Variants in LDLRAD4 observed in about 807,000 individuals in gnomAD.
The protein encoded by LDLRAD4 is low-density lipoprotein receptor class A domain-containing protein 4.
Under a neutral mutation model 17.0 loss-of-function variants are expected in LDLRAD4, and 5 were observed. The observed-to-expected ratio is 0.29, with a 90% CI of 0.15 to 0.62. The LOEUF is 0.62. Ranked by LOEUF, LDLRAD4 falls within the 20% of genes least tolerant of loss-of-function variation. The probability of loss-of-function intolerance (pLI) is 0.84; values close to 1 mark genes in which losing one functional copy is unlikely to be tolerated. For missense variants in LDLRAD4, 340 were observed against 424.7 expected, an observed-to-expected ratio of 0.80 and a Z score of 1.75; for synonymous variants, 168 against 171.8, an observed-to-expected ratio of 0.98 and a Z score of 0.17.
At chr18:13,596,549 A>C (rs961385771) in intron 3 of LDLRAD4, among the ~76,000 whole-genome samples, 8 of 152,326 alleles carry the variant, frequency 5.3e-5, no homozygotes, top group African/African-American at 1.9e-4. Flanking sequence ...AGATATATAC[A>C]TAATTTTACT....
chr18:13,223,882 C>T (rs1200880780), intron 1 of LDLRAD4, among the ~76,000 whole-genome samples: 3 of 152,190 alleles, frequency 2.0e-5, no homozygotes, highest in Non-Finnish European at 2.9e-5. Context: ...GGTGGAGCAG[C>T]CTGGGCAGTA....
intron 2 of LDLRAD4, among the ~76,000 whole-genome samples, chr18:13,393,545 G>A (rs754694228): frequency 6.6e-6 from 1 of 152,180 alleles, no homozygotes; most frequent in South Asian, 2.1e-4. Flanking sequence ...GGTCCCCGGC[G>A]GGCTGCTTCT....
At chr18:13,308,743 T>C (rs776163413) in intron 1 of LDLRAD4, among the ~76,000 whole-genome samples, 5 of 152,270 alleles carry the variant, frequency 3.3e-5, no homozygotes, top group Admixed American at 6.5e-5. Flanking sequence ...GTGCTTTATG[T>C]ATTAGGGAAG....
intron 1 of LDLRAD4, among the ~76,000 whole-genome samples, chr18:13,374,900 G>A (rs770039078): frequency 6.6e-6 from 1 of 152,168 alleles, no homozygotes; most frequent in African/African-American, 2.4e-5. Flanking sequence ...CCCTGGACCT[G>A]TGTGTAGGTG....
At chr18:13,637,851 G>A (rs2042211736) in intron 4 of LDLRAD4, among the ~76,000 whole-genome samples, 1 of 146,140 alleles carries the variant, frequency 6.8e-6, no homozygotes, top group Admixed American at 6.9e-5. Flanking sequence ...GGGCAACAGA[G>A]CAAGACTCCG....
At chr18:13,554,639 G>A (rs958567350) in intron 3 of LDLRAD4, among the ~76,000 whole-genome samples, 2 of 152,050 alleles carry the variant, frequency 1.3e-5, no homozygotes, top group Admixed American at 6.5e-5. Flanking sequence ...ATAACCTATT[G>A]CCCTTTAATA....
chr18:13,390,278 G>A lies in LDLRAD4; in HGVS notation c.40+2516G>A, dbSNP rs560189749. On this transcript the variant is annotated intron_variant, in intron 2 of 5. Coordinates refer to ENST00000359446, the Ensembl canonical transcript of LDLRAD4. ...TGGTGGGGTGTTCGCCACAGCCGCC[G>A]TTTTGGAGCCACAGTGTGCCGGGAG... is the stretch of plus-strand genomic sequence containing the variant. Among the ~76,000 whole-genome samples, 21 of 152,340 alleles carry A rather than the reference G, an allele frequency of 1.4e-4. No homozygotes were observed. In the East Asian group the frequency reaches 3.7e-3, roughly 27 times the overall value.
At chr18:13,290,394 CTCAATATATCTTAACTTA>C (rs1278328586) in intron 1 of LDLRAD4, among the ~76,000 whole-genome samples, 1 of 152,210 alleles carries the variant, frequency 6.6e-6, no homozygotes. Context: ...CTCCAACTAT[CTCAATATATCTTAACTTA>C]TTCTGGGTAA....
At chr18:13,620,926 C>T (rs1373944877) in intron 3 of LDLRAD4, 191 bp from the exon 5 acceptor site, 2 of 766,350 alleles carry the variant, frequency 2.6e-6, no homozygotes, top group Non-Finnish European at 4.3e-6. Flanking sequence ...CTGGTTTGCA[C>T]AGCCTCCCGA....
At chr18:13,473,653 ATATATATATATATATATATATATAT>A (rs1568213706) in intron 3 of LDLRAD4, among the ~76,000 whole-genome samples, 18 of 99,156 alleles carry the variant, frequency 1.8e-4, no homozygotes, top group Middle Eastern at 4.5e-3. Flanking sequence ...ATATATATAT[ATATATATATATATATATATATATAT>A]AACGTTTACA....
At chr18:13,267,023 A>G (rs1206820338) in intron 1 of LDLRAD4, among the ~76,000 whole-genome samples, 1 of 152,260 alleles carries the variant, frequency 6.6e-6, no homozygotes, top group East Asian at 1.9e-4. Flanking sequence ...GTTAGAATCA[A>G]CAGGGTAATG....
chr18:13,545,305 A>G (rs75095566), intron 3 of LDLRAD4, among the ~76,000 whole-genome samples: 2,095 of 152,178 alleles, frequency 0.014, 56 homozygotes, highest in African/African-American at 0.048. Flanking sequence ...GAACTGGAGA[A>G]CTCTAGGGAA....
At chr18:13,532,347 T>G (rs1382961872) in intron 3 of LDLRAD4, among the ~76,000 whole-genome samples, 1 of 152,212 alleles carries the variant, frequency 6.6e-6, no homozygotes, top group Non-Finnish European at 1.5e-5. Context: ...GTGGTAGTAT[T>G]CGGCCTGGAT....
Position 13,305,233 on chromosome 18 carries a change from T to C in LDLRAD4, c.-383+27045T>C, listed in dbSNP as rs146834431. 1.9e-4 allele frequency among the ~76,000 whole-genome samples: 29 copies of C among 152,340 alleles called. 1 individual carries two copies. The highest frequency in any genetic ancestry group is 1.4e-3 in the South Asian group (7 of 4,828). ...AAAAGTTAAATCTTATCAAAACTTATGCACACACTTACATATATACATGGT... is the reference window on the plus strand; with the variant it reads ...AAAAGTTAAATCTTATCAAAACTTACGCACACACTTACATATATACATGGT... On this transcript the variant is annotated intron_variant, in intron 1 of 5. Coordinates refer to ENST00000359446, the Ensembl canonical transcript of LDLRAD4.
chr18:13,585,617 C>G (rs2094923290), intron 3 of LDLRAD4, among the ~76,000 whole-genome samples: 1 of 152,176 alleles, frequency 6.6e-6, no homozygotes, highest in African/African-American at 2.4e-5. Flanking sequence ...TTTCCCACTC[C>G]CCCTTTCAAG....
chr18:13,290,618 A>G lies in LDLRAD4; in HGVS notation c.-383+12430A>G, dbSNP rs1021406133. The stretch of plus-strand genomic sequence containing the variant: ...ATTTTTTGGCACCTGCTTCTTGCAC[A>G]TGTAAAAAATTAGGGTATCTTAAAA... On this transcript the variant is annotated intron_variant, in intron 1 of 5. Transcript: ENST00000359446. 9.2e-5 allele frequency among the ~76,000 whole-genome samples: 14 copies of G among 151,742 alleles called. No individual in the cohort carries two copies. In the East Asian group the frequency reaches 2.1e-3, roughly 23 times the overall value.
At chr18:13,456,778 TC>T (rs1362633066) in intron 3 of LDLRAD4, among the ~76,000 whole-genome samples, 1 of 152,252 alleles carries the variant, frequency 6.6e-6, no homozygotes, top group Non-Finnish European at 1.5e-5. Flanking sequence ...ATGTATGCTA[TC>T]AGTGCGGGTT....
chr18:13,613,552 T>A (rs998440544), intron 3 of LDLRAD4: 14 of 152,256 alleles, frequency 9.2e-5, no homozygotes, highest in Non-Finnish European at 1.8e-4. Flanking sequence ...GCTGATTTTT[T>A]AGAAAATCCT....
At chr18:13,564,693 C>T (rs544294732) in intron 3 of LDLRAD4, among the ~76,000 whole-genome samples, 16 of 105,456 alleles carry the variant, frequency 1.5e-4, no homozygotes, top group South Asian at 4.4e-4. Flanking sequence ...CCCGCCTCTG[C>T]GCTGCCGCCC....
Sources: allele counts gnomAD v4.1 joint callset (sites outside exome capture counted in the v4.1 genomes callset), GRCh38; gene constraint gnomAD v4.1.1; transcripts MANE v1.5; gene names NCBI Gene and HGNC (gene_info 2026-07-23, HGNC 2026-07-21).